The following COL5A2 variants were observed in gnomAD, a reference collection of about 807,000 sequenced individuals.
COL5A2 encodes the protein collagen alpha-2(V) chain.
A neutral mutation model predicts 208.2 loss-of-function variants in COL5A2; 23 were observed. The ratio of observed to expected loss-of-function variants is 0.11; its 90% CI spans 0.08 to 0.16. The LOEUF is 0.16. Among genes scored for constraint, COL5A2 ranks in the 10% least tolerant of loss-of-function variants. The probability of loss-of-function intolerance (pLI) is 1.00; values close to 1 mark genes in which losing one functional copy is unlikely to be tolerated. For synonymous variants in COL5A2, 625 were observed against 628.5 expected, an observed-to-expected ratio of 0.99 and a Z score of 0.08; for missense variants, 1,590 against 1,956.4, an observed-to-expected ratio of 0.81 and a Z score of 3.53.
chr2:189,167,332 A>G (rs1377369289), intron 1 of COL5A2, among the ~76,000 whole-genome samples: 1 of 152,210 alleles, frequency 6.6e-6, no homozygotes, highest in African/African-American at 2.4e-5. Flanking sequence ...AAACACCCAC[A>G]GTGAAACTTA....
the COL5A2 span, among the ~76,000 whole-genome samples, chr2:189,399,913 C>G: frequency 6.6e-6 from 1 of 151,982 alleles, no homozygotes; most frequent in Non-Finnish European, 1.5e-5. Context: ...GTTGCCCAGG[C>G]TATTCCCAAA....
intron 1 of COL5A2, among the ~76,000 whole-genome samples, chr2:189,191,140 T>TTA (rs1553526724): frequency 8.4e-6 from 1 of 118,888 alleles, no homozygotes; most frequent in African/African-American, 2.9e-5. Flanking sequence ...AGGGAAACCA[T>TTA]AAAAAAAAAA....
At chr2:189,264,031 T>C in the COL5A2 span, among the ~76,000 whole-genome samples, 1 of 152,162 alleles carries the variant, frequency 6.6e-6, no homozygotes, top group South Asian at 2.1e-4. Flanking sequence ...GTATGTTCTC[T>C]GACTATAAAG....
At chr2:189,395,605 C>T in the COL5A2 span, among the ~76,000 whole-genome samples, 27 of 152,080 alleles carry the variant, frequency 1.8e-4, no homozygotes, top group African/African-American at 6.5e-4. Context: ...AAAAGCCATT[C>T]TTAAGAAGCT....
chr2:189,092,386 G>T lies in COL5A2; in HGVS notation c.491C>A (p.Pro164Gln), dbSNP rs1288294024. 16 of 1,606,476 alleles carry T rather than the reference G, an allele frequency of 1.0e-5. No homozygotes were observed. The highest frequency in any genetic ancestry group is 1.1e-5 in the Non-Finnish European group (13 of 1,176,324). The part of the protein sequence containing the change: ...PRGPQGIDGE[P>Q]GVPGQPGAPG... ...AGCACCAGGTTGACCAGGAACACCT[G>T]GTTCTCCATCAATTCCCTGAGGTCC... The change falls in exon 7 of 54, where the codon CCA becomes CAA. Residue 164 changes from proline to glutamine, a missense_variant. Pro to Gln is a moderately conservative substitution (Grantham distance 76, BLOSUM62 -1). Coordinates refer to ENST00000374866, the MANE Select transcript of COL5A2 (RefSeq NM_000393.5).
intron 46 of COL5A2, 80 bp from the exon 47 acceptor site, chr2:189,045,312 A>C: frequency 1.1e-6 from 1 of 891,486 alleles, no homozygotes. Flanking sequence ...TGTCAACAAT[A>C]CGTTTATAGT....
the COL5A2 span, among the ~76,000 whole-genome samples, chr2:189,393,068 AATTT>A: frequency 6.6e-6 from 1 of 152,320 alleles, no homozygotes; most frequent in South Asian, 2.1e-4. Flanking sequence ...TAGTGAAAAT[AATTT>A]ATTTGCCAAT....
the COL5A2 span, among the ~76,000 whole-genome samples, chr2:189,295,980 T>TTTTTTTTTTTTTTTTTTGAGACG: frequency 6.6e-6 from 1 of 152,174 alleles, no homozygotes; most frequent in African/African-American, 2.4e-5. Context: ...TGGGATTTTT[T>TTTTTTTTTTTTTTTTTTGAGACG]GAGCTTCCAG....
At chr2:189,062,950 G>A (rs757054472) in intron 28 of COL5A2, 32 bp from the exon 29 acceptor site, 3 of 1,613,652 alleles carry the variant, frequency 1.9e-6, no homozygotes, top group East Asian at 2.2e-5. Context: ...TGTGAGGTGA[G>A]TCTATGATAA....
At chr2:189,130,696 T>C (rs1687692490) in intron 1 of COL5A2, among the ~76,000 whole-genome samples, 1 of 151,954 alleles carries the variant, frequency 6.6e-6, no homozygotes, top group South Asian at 2.1e-4. Flanking sequence ...GTATCTCTTC[T>C]ACACAGATAA....
rs761187270 is a variant in COL5A2, at chr2:189,100,100, T to C, written c.369+7A>G. 1.9e-6 allele frequency: 3 copies of C among 1,605,744 alleles called. No individual in the cohort carries two copies. The highest frequency in any genetic ancestry group is 1.1e-5 in the South Asian group (1 of 90,896). On this transcript the variant is annotated splice_region_variant and intron_variant, in intron 4 of 53. Transcript: ENST00000374866. Reference sequence around the variant, plus strand: ...TACAAGGAAACAATGATTATACATATACTTACAACAGGCACTAATCCTGGT... The same window carrying C: ...TACAAGGAAACAATGATTATACATACACTTACAACAGGCACTAATCCTGGT...
At position 189,136,526 on chromosome 2, in the gene COL5A2, A is replaced by T. The variant is rs186226703; in HGVS notation, c.98-26077T>A. On this transcript the variant is annotated intron_variant, in intron 1 of 53. Coordinates refer to ENST00000374866, the MANE Select transcript of COL5A2 (RefSeq NM_000393.5). Reference sequence around the variant, plus strand: ...TTTTCTTTTTTATAAATATATATGTATATAAAAATATCATACATGTATAAC... The same window carrying T: ...TTTTCTTTTTTATAAATATATATGTTTATAAAAATATCATACATGTATAAC... 1.9e-3 allele frequency among the ~76,000 whole-genome samples: 244 copies of T among 128,642 alleles called. 1 individual carries two copies. Among genetic ancestry groups the T allele is most frequent in the African/African-American group, 6.6e-3 (230 of 35,086 alleles). The allele number at this position is 128,642 out of a possible 152,430, so 84.4% of individuals were successfully genotyped here. A position where few individuals can be genotyped will look rare whatever the true frequency, so the allele number is the denominator to read the frequency against.
the COL5A2 span, among the ~76,000 whole-genome samples, chr2:189,402,744 T>C: frequency 2.6e-5 from 4 of 152,162 alleles, no homozygotes; most frequent in Admixed American, 6.5e-5. Context: ...TCTATTCCAT[T>C]GGTCTATGTG....
In COL5A2 at chr2:189,092,318, A is replaced by G. The variant is rs1381110131; in HGVS notation, c.559T>C (p.Leu187=). The G allele has an allele frequency of 6.2e-7, 1 of 1,603,944 alleles. No individual in the cohort carries two copies. The highest frequency in any genetic ancestry group is 2.2e-5 in the East Asian group (1 of 44,718). ...GHPSHPGPDG[L]SRPFSAQMAG... ...CAATGCACACAACTCACCCTGCTCA[A>G]GCCATCGGGTCCTGGGTGGGACGGA... The change falls in exon 7 of 54, where the codon TTG becomes CTG. Residue 187 remains leucine, a synonymous_variant. Coordinates refer to ENST00000374866, the MANE Select transcript of COL5A2 (RefSeq NM_000393.5).
At position 189,098,730 on chromosome 2, in the gene COL5A2, C is replaced by T. The variant is rs369867930; in HGVS notation, c.399G>A (p.Pro133=). Residue 133 remains proline, a synonymous_variant, in exon 5 of 54, where the codon CCG becomes CCA. Coordinates refer to ENST00000374866, the MANE Select transcript of COL5A2 (RefSeq NM_000393.5). ...VVTGIRGRPG[P]AGPPGSQGPR... ...AATATTGGGAGAAACTACTTACTGC[C>T]GGTCCTGGACGACCACGTATGCCTG... 25 of 1,612,244 alleles carry T rather than the reference C, an allele frequency of 1.6e-5. No homozygotes were observed. The highest frequency in any genetic ancestry group is 6.7e-5 in the African/African-American group (5 of 74,852).
chr2:189,051,213 A>T, intron 42 of COL5A2, 107 bp downstream of exon 42: 1 of 1,413,934 alleles, frequency 7.1e-7, no homozygotes, highest in South Asian at 1.2e-5. Flanking sequence ...AATTTTAGGA[A>T]TGTGCCCAGC....
At chr2:189,199,393 CTTTAATTTG>C (rs1689043724) in intron 1 of COL5A2, among the ~76,000 whole-genome samples, 1 of 152,090 alleles carries the variant, frequency 6.6e-6, no homozygotes, top group Non-Finnish European at 1.5e-5. Context: ...TAGTCAAGAG[CTTTAATTTG>C]TTTAGAGGGA....
At chr2:189,073,816 C>A (rs1314459443) in intron 17 of COL5A2, among the ~76,000 whole-genome samples, 1 of 152,094 alleles carries the variant, frequency 6.6e-6, no homozygotes, top group African/African-American at 2.4e-5. Context: ...TGTCTTGAAG[C>A]TCTTTTTAAA....
the COL5A2 span, among the ~76,000 whole-genome samples, chr2:189,273,338 A>G: frequency 2.6e-5 from 4 of 152,096 alleles, no homozygotes; most frequent in African/African-American, 9.7e-5. Flanking sequence ...AGGTATTATC[A>G]AAAATACAAA....
Sources: gnomAD v4.1 joint callset for allele counts (sites outside exome capture counted in the v4.1 genomes callset) on GRCh38, gnomAD v4.1.1 for gene constraint, MANE v1.5 for transcripts, NCBI Gene and HGNC (gene_info 2026-07-23, HGNC 2026-07-21) for gene names.